The following AGBL4 variants were observed in gnomAD, a reference collection of about 807,000 sequenced individuals.
The protein encoded by AGBL4 is AGBL carboxypeptidase 4, also known as cytosolic carboxypeptidase 6.
Under a neutral mutation model 66.4 loss-of-function variants are expected in AGBL4, and 58 were observed. The ratio of observed to expected loss-of-function variants is 0.87; its 90% CI spans 0.71 to 1.09. The LOEUF (loss-of-function observed/expected upper bound fraction) is 1.09, where lower values mean the gene tolerates loss of function less well. Among genes scored for constraint, AGBL4 ranks in the 50% least tolerant of loss-of-function variants. The pLI, the probability that AGBL4 is intolerant of heterozygous loss-of-function variation, is 0.00. For missense variants in AGBL4, 579 were observed against 631.0 expected, an observed-to-expected ratio of 0.92 and a Z score of 0.88; for synonymous variants, 234 against 222.9, an observed-to-expected ratio of 1.05 and a Z score of -0.44.
At chr1:48,602,063 C>T (rs1033371492) in intron 9 of AGBL4, among the ~76,000 whole-genome samples, 1 of 152,096 alleles carries the variant, frequency 6.6e-6, no homozygotes, top group Non-Finnish European at 1.5e-5. Flanking sequence ...AAAACTAGGG[C>T]ACCCTCAGGC....
intron 3 of AGBL4, among the ~76,000 whole-genome samples, chr1:49,580,507 A>G (rs1485712675): frequency 6.6e-6 from 1 of 152,010 alleles, no homozygotes; most frequent in Non-Finnish European, 1.5e-5. Context: ...TTATACTTCT[A>G]TGTATTTTCT....
At chr1:49,495,283 C>T (rs941946791) in intron 3 of AGBL4, among the ~76,000 whole-genome samples, 1 of 152,010 alleles carries the variant, frequency 6.6e-6, no homozygotes, top group African/African-American at 2.4e-5. Context: ...GCCCGTGGGC[C>T]GCATGTGGCT....
chr1:48,637,515 T>C (rs924203145), intron 8 of AGBL4, among the ~76,000 whole-genome samples: 2 of 152,166 alleles, frequency 1.3e-5, no homozygotes, highest in Non-Finnish European at 1.5e-5. Flanking sequence ...AGATTCTATC[T>C]CTTTGTTCCC....
At chr1:49,221,074 C>T (rs184289981) in intron 4 of AGBL4, among the ~76,000 whole-genome samples, 2 of 152,136 alleles carry the variant, frequency 1.3e-5, no homozygotes, top group Admixed American at 1.3e-4. Context: ...TAAATTAAAG[C>T]TAAAGAAAAC....
chr1:49,901,140 G>A (rs1274674887), intron 1 of AGBL4, among the ~76,000 whole-genome samples: 2 of 152,108 alleles, frequency 1.3e-5, no homozygotes, highest in Non-Finnish European at 2.9e-5. Flanking sequence ...ACAAGACAAG[G>A]ATGACTTCTA....
At chr1:49,888,536 T>C (rs948795645) in intron 1 of AGBL4, among the ~76,000 whole-genome samples, 1 of 152,154 alleles carries the variant, frequency 6.6e-6, no homozygotes, top group Non-Finnish European at 1.5e-5. Context: ...ATTCCTAATA[T>C]TTAATTAATA....
intron 3 of AGBL4, among the ~76,000 whole-genome samples, chr1:49,499,057 G>T (rs1368658466): frequency 6.6e-6 from 1 of 151,928 alleles, no homozygotes; most frequent in Non-Finnish European, 1.5e-5. Flanking sequence ...TGGTTTCAGG[G>T]TTGTCCTGGC....
At chr1:49,493,392 G>A (rs1380377408) in intron 3 of AGBL4, among the ~76,000 whole-genome samples, 1 of 151,938 alleles carries the variant, frequency 6.6e-6, no homozygotes, top group African/African-American at 2.4e-5. Context: ...ATACATTAAT[G>A]TTCACTGCAA....
At chr1:49,602,829 A>C (rs940372607) in intron 3 of AGBL4, among the ~76,000 whole-genome samples, 3 of 121,442 alleles carry the variant, frequency 2.5e-5, no homozygotes, top group Non-Finnish European at 5.0e-5. Flanking sequence ...TACAATAAAT[A>C]AATAAATAAA....
intron 3 of AGBL4, among the ~76,000 whole-genome samples, chr1:49,326,594 A>G (rs1264446222): frequency 6.6e-6 from 1 of 152,210 alleles, no homozygotes; most frequent in African/African-American, 2.4e-5. Context: ...GGAACCCATA[A>G]CTGACACAAA....
intron 3 of AGBL4, among the ~76,000 whole-genome samples, chr1:49,340,216 GAAAAAAAAA>G (rs35729306): frequency 7.8e-6 from 1 of 128,048 alleles, no homozygotes; most frequent in Non-Finnish European, 1.7e-5. Context: ...ATTCTCTATG[GAAAAAAAAA>G]AAAAAAAAAG....
chr1:49,268,820 A>G (rs1178693282), intron 3 of AGBL4, among the ~76,000 whole-genome samples: 1 of 152,226 alleles, frequency 6.6e-6, no homozygotes, highest in African/African-American at 2.4e-5. Context: ...CTATTTTCTT[A>G]TAAATGCATA....
intron 4 of AGBL4, among the ~76,000 whole-genome samples, chr1:49,192,285 C>T (rs1275047618): frequency 6.6e-6 from 1 of 151,926 alleles, no homozygotes; most frequent in East Asian, 1.9e-4. Context: ...ACTTGTATGT[C>T]AACATATAAA....
chr1:48,986,742 A>T (rs1660206082), intron 5 of AGBL4, among the ~76,000 whole-genome samples: 1 of 152,150 alleles, frequency 6.6e-6, no homozygotes, highest in African/African-American at 2.4e-5. Context: ...TAAAAGCATC[A>T]TTTAACCATA....
intron 3 of AGBL4, among the ~76,000 whole-genome samples, chr1:49,273,908 T>A (rs1296183785): frequency 6.6e-6 from 1 of 152,096 alleles, no homozygotes; most frequent in African/African-American, 2.4e-5. Flanking sequence ...GGTCTCTATC[T>A]TCTGACCTCA....
chr1:49,841,791 C>T (rs532464392), intron 2 of AGBL4: 2 of 332,596 alleles, frequency 6.0e-6, no homozygotes, highest in Middle Eastern at 6.7e-4. Flanking sequence ...TGCAGTCTGA[C>T]AATGTGATAA....
At chr1:49,883,062 G>A (rs1238286968) in intron 1 of AGBL4, among the ~76,000 whole-genome samples, 1 of 151,950 alleles carries the variant, frequency 6.6e-6, no homozygotes, top group Admixed American at 6.6e-5. Flanking sequence ...ATGCAAGTAA[G>A]GTGTAAACCA....
chr1:49,826,688 C>A (rs1645518759), intron 2 of AGBL4, among the ~76,000 whole-genome samples: 1 of 152,142 alleles, frequency 6.6e-6, no homozygotes, highest in African/African-American at 2.4e-5. Flanking sequence ...TATAAACTTG[C>A]CAATTATTTT....
intron 6 of AGBL4, among the ~76,000 whole-genome samples, chr1:48,811,730 C>A (rs1646055400): frequency 6.6e-6 from 1 of 152,108 alleles, no homozygotes; most frequent in South Asian, 2.1e-4. Context: ...TGAGGTCCAA[C>A]CCTCTCTACT....
Sources: allele counts gnomAD v4.1 joint callset (sites outside exome capture counted in the v4.1 genomes callset), GRCh38; gene constraint gnomAD v4.1.1; transcripts MANE v1.5; gene names NCBI Gene and HGNC (gene_info 2026-07-23, HGNC 2026-07-21).